AKR1C8: variants seen among roughly 807,000 people sequenced by gnomAD.
AKR1C8 encodes aldo-keto reductase family 1 member C8.
At chr10:5,121,691 G>A in the AKR1C8 span, among the ~76,000 whole-genome samples, 40 of 152,106 alleles carry the variant, frequency 2.6e-4, no homozygotes, top group South Asian at 1.9e-3. Context: ...ACGTTGCCTC[G>A]GTGGAGACAC....
chr10:5,131,097 A>G, the AKR1C8 span, among the ~76,000 whole-genome samples: 4 of 152,126 alleles, frequency 2.6e-5, no homozygotes, highest in Non-Finnish European at 5.9e-5. Context: ...GACTCTATTC[A>G]ATAAATGGTG....
the AKR1C8 span, among the ~76,000 whole-genome samples, chr10:5,182,954 G>A: frequency 6.6e-6 from 1 of 151,506 alleles, no homozygotes; most frequent in Non-Finnish European, 1.5e-5. Context: ...CAGATAATCA[G>A]ACCAAATATG....
chr10:5,167,197 T>A, the AKR1C8 span, among the ~76,000 whole-genome samples: 2 of 152,206 alleles, frequency 1.3e-5, no homozygotes, highest in Non-Finnish European at 2.9e-5. Context: ...GTCTGTAAAC[T>A]AGTTCAACCC....
the AKR1C8 span, among the ~76,000 whole-genome samples, chr10:5,127,493 T>C: frequency 5.9e-5 from 9 of 151,730 alleles, no homozygotes; most frequent in Non-Finnish European, 1.2e-4. Context: ...CCAAGCTGGG[T>C]GAATCACTTG....
At chr10:5,125,869 G>A in the AKR1C8 span, among the ~76,000 whole-genome samples, 1 of 152,270 alleles carries the variant, frequency 6.6e-6, no homozygotes, top group East Asian at 1.9e-4. Flanking sequence ...CCAGAGTTGG[G>A]CAACCCCACT....
chr10:5,140,489 C>A, the AKR1C8 span, among the ~76,000 whole-genome samples: 3 of 152,088 alleles, frequency 2.0e-5, no homozygotes, highest in African/African-American at 7.2e-5. Context: ...GAGTTCATGT[C>A]CTTTGTAGGG....
the AKR1C8 span, among the ~76,000 whole-genome samples, chr10:5,176,537 G>A: frequency 6.6e-6 from 1 of 150,414 alleles, no homozygotes; most frequent in Non-Finnish European, 1.5e-5. Context: ...AGCTTGATGG[G>A]GATGGCATTG....
At chr10:5,149,692 C>G in the AKR1C8 span, among the ~76,000 whole-genome samples, 3 of 152,016 alleles carry the variant, frequency 2.0e-5, no homozygotes, top group Non-Finnish European at 4.4e-5. Flanking sequence ...CTCCATTTCT[C>G]AAAGTAATCT....
At chr10:5,157,523 A>G in the AKR1C8 span, 6 of 356,700 alleles carry the variant, frequency 1.7e-5, no homozygotes, top group African/African-American at 1.1e-4. Context: ...CTCCCTTAGC[A>G]CAGAGTGGAG....
chr10:5,170,501 C>T, the AKR1C8 span, among the ~76,000 whole-genome samples: 1 of 152,180 alleles, frequency 6.6e-6, no homozygotes, highest in Non-Finnish European at 1.5e-5. Context: ...TAGAAGGAAT[C>T]TGAGATAAGG....
the AKR1C8 span, among the ~76,000 whole-genome samples, chr10:5,139,748 C>T: frequency 2.0e-5 from 3 of 152,000 alleles, no homozygotes; most frequent in Non-Finnish European, 2.9e-5. Flanking sequence ...TGGGCAAGGA[C>T]ATCATGACTA....
chr10:5,123,124 T>C, the AKR1C8 span: 1 of 154,128 alleles, frequency 6.5e-6, no homozygotes, highest in African/African-American at 2.4e-5. Context: ...TGTGGTAGAG[T>C]AGAAAACCTT....
the AKR1C8 span, among the ~76,000 whole-genome samples, chr10:5,142,517 C>T: frequency 1.8e-4 from 28 of 152,182 alleles, 1 homozygote; most frequent in East Asian, 5.2e-3. Flanking sequence ...ATGAAAAATA[C>T]GTTATTCTTT....
At chr10:5,131,716 A>G in the AKR1C8 span, among the ~76,000 whole-genome samples, 3 of 152,118 alleles carry the variant, frequency 2.0e-5, no homozygotes, top group Non-Finnish European at 4.4e-5. Flanking sequence ...AATGTAGTGA[A>G]AAGAGAACAC....
At chr10:5,178,829 T>C in the AKR1C8 span, among the ~76,000 whole-genome samples, 1 of 152,128 alleles carries the variant, frequency 6.6e-6, no homozygotes, top group Non-Finnish European at 1.5e-5. Context: ...TCCATTTGCT[T>C]GGTAGATCTT....
the AKR1C8 span, among the ~76,000 whole-genome samples, chr10:5,159,176 A>C: frequency 1.4e-3 from 218 of 152,340 alleles, no homozygotes; most frequent in African/African-American, 4.5e-3. Flanking sequence ...AGCATCAAAA[A>C]AATAGTAATT....
the AKR1C8 span, among the ~76,000 whole-genome samples, chr10:5,162,322 T>C: frequency 1.3e-5 from 2 of 152,130 alleles, no homozygotes; most frequent in African/African-American, 4.8e-5. Context: ...TATAATAAAT[T>C]CCTAGAAAGA....
chr10:5,166,166 A>T, the AKR1C8 span, among the ~76,000 whole-genome samples: 1 of 152,112 alleles, frequency 6.6e-6, no homozygotes, highest in Non-Finnish European at 1.5e-5. Context: ...AAGCATTGAG[A>T]TTCCTTTGAC....
At chr10:5,156,856 CATAAT>C in the AKR1C8 span, among the ~76,000 whole-genome samples, 1 of 152,178 alleles carries the variant, frequency 6.6e-6, no homozygotes, top group African/African-American at 2.4e-5. Flanking sequence ...ATATTAAACT[CATAAT>C]AAAATTTGTA....
Sources: allele counts gnomAD v4.1 joint callset (sites outside exome capture counted in the v4.1 genomes callset), GRCh38; gene constraint gnomAD v4.1.1; transcripts MANE v1.5; gene names NCBI Gene and HGNC (gene_info 2026-07-23, HGNC 2026-07-21).